The following TNNI3K variants were observed in gnomAD, a reference collection of about 807,000 sequenced individuals.
TNNI3K encodes TNNI3 interacting kinase.
Under a neutral mutation model 114.5 loss-of-function variants are expected in TNNI3K, and 140 were observed. That is an observed-to-expected ratio of 1.22 (90% CI 1.07 to 1.41). The LOEUF is 1.41. Ranked by LOEUF, TNNI3K falls within the 40% of genes most tolerant of loss-of-function variation. The pLI is 0.00. For synonymous variants in TNNI3K, 347 were observed against 347.5 expected, an observed-to-expected ratio of 1.00 and a Z score of 0.02; for missense variants, 1,125 against 1,007.6, an observed-to-expected ratio of 1.12 and a Z score of -1.58.
intron 23 of TNNI3K, among the ~76,000 whole-genome samples, chr1:74,538,962 G>C (rs973642696): frequency 6.6e-6 from 1 of 152,124 alleles, no homozygotes; most frequent in African/African-American, 2.4e-5. Context: ...CAAATGAACT[G>C]GGAAGCAATT....
intron 23 of TNNI3K, among the ~76,000 whole-genome samples, chr1:74,537,246 C>T (rs1646670786): frequency 6.6e-6 from 1 of 152,078 alleles, no homozygotes; most frequent in Non-Finnish European, 1.5e-5. Context: ...TAGTACATTT[C>T]TTAAAAGGAG....
chr1:74,400,709 G>A (rs1664315670), intron 17 of TNNI3K, among the ~76,000 whole-genome samples: 1 of 152,318 alleles, frequency 6.6e-6, no homozygotes, highest in Admixed American at 6.5e-5. Flanking sequence ...AGTTCAATAA[G>A]CTCATGAGAG....
intron 4 of TNNI3K, among the ~76,000 whole-genome samples, chr1:74,255,055 A>G (rs1294080826): frequency 6.6e-6 from 1 of 152,206 alleles, no homozygotes; most frequent in African/African-American, 2.4e-5. Context: ...TGTTCAGTAA[A>G]CATTATGAAC....
rs564241549 is a variant in TNNI3K, at chr1:74,433,155, A to C, written c.1773-2925A>C. ...TAGTTCACGACATCTCTCAGTAATA[A>C]ACTCTTGAACTCACCTTTAATAATA... On this transcript the variant is annotated intron_variant, in intron 17 of 24. Coordinates refer to ENST00000326637, the MANE Select transcript of TNNI3K (RefSeq NM_015978.3). Among the ~76,000 whole-genome samples, 24 of 152,090 alleles carry C rather than the reference A, an allele frequency of 1.6e-4. No individual in the cohort carries two copies. The South Asian group carries it at 4.6e-3, about 29-fold the overall frequency.
intron 23 of TNNI3K, among the ~76,000 whole-genome samples, chr1:74,511,127 C>T (rs1670194507): frequency 6.6e-6 from 1 of 151,896 alleles, no homozygotes; most frequent in African/African-American, 2.4e-5. Context: ...GTGATCACCT[C>T]AGGTGATCCA....
intron 17 of TNNI3K, among the ~76,000 whole-genome samples, chr1:74,414,976 A>C (rs1665050252): frequency 6.6e-6 from 1 of 152,180 alleles, no homozygotes; most frequent in African/African-American, 2.4e-5. Flanking sequence ...TGGCTTCCTA[A>C]ATCATTTGCA....
intron 7 of TNNI3K, among the ~76,000 whole-genome samples, chr1:74,339,949 G>C (rs1426355802): frequency 4.6e-5 from 7 of 151,916 alleles, no homozygotes; most frequent in Non-Finnish European, 5.9e-5. Context: ...CTTGCAACTG[G>C]ACAGAGCTGG....
chr1:74,406,348 A>G (rs1443037955), intron 17 of TNNI3K, among the ~76,000 whole-genome samples: 2 of 152,212 alleles, frequency 1.3e-5, no homozygotes, highest in Non-Finnish European at 2.9e-5. Context: ...CTCATCAGCT[A>G]TCATTAGTGT....
intron 17 of TNNI3K, among the ~76,000 whole-genome samples, chr1:74,379,331 G>A (rs531533057): frequency 3.0e-4 from 9 of 30,488 alleles, no homozygotes; most frequent in East Asian, 7.5e-3. Flanking sequence ...ACACATACAC[G>A]CGCGCACACA....
Position 74,260,171 on chromosome 1 carries a change from T to A in TNNI3K, c.333+9402T>A, listed in dbSNP as rs144781986. The stretch of plus-strand genomic sequence containing the variant: ...TCTCTTTTGGGTTTCAGTTATTAAG[T>A]TTACATTATCTTTTATTGTAGCACT... On this transcript the variant is annotated intron_variant, in intron 4 of 24. Coordinates refer to ENST00000326637, the MANE Select transcript of TNNI3K (RefSeq NM_015978.3). 2.8e-3 allele frequency among the ~76,000 whole-genome samples: 433 copies of A among 152,336 alleles called. 4 individuals carry two copies. The highest frequency in any genetic ancestry group is 9.9e-3 in the African/African-American group (410 of 41,594).
intron 21 of TNNI3K, among the ~76,000 whole-genome samples, chr1:74,465,170 A>AGAG (rs1306093983): frequency 6.6e-6 from 1 of 152,070 alleles, no homozygotes; most frequent in Non-Finnish European, 1.5e-5. Context: ...CTCGTAGTCC[A>AGAG]CTCTGGCCAC....
At chr1:74,521,056 T>C (rs1380741258) in intron 23 of TNNI3K, among the ~76,000 whole-genome samples, 2 of 152,196 alleles carry the variant, frequency 1.3e-5, no homozygotes, top group East Asian at 3.9e-4. Context: ...CAGAGTGTTC[T>C]TACAGCTATT....
chr1:74,256,530 G>T (rs1048991919), intron 4 of TNNI3K, among the ~76,000 whole-genome samples: 1 of 151,564 alleles, frequency 6.6e-6, no homozygotes, highest in Non-Finnish European at 1.5e-5. Flanking sequence ...TTCTTTTCTT[G>T]AATATACTTT....
intron 5 of TNNI3K, among the ~76,000 whole-genome samples, chr1:74,308,082 C>A (rs1156470009): frequency 1.3e-5 from 2 of 151,388 alleles, no homozygotes; most frequent in African/African-American, 4.9e-5. Flanking sequence ...CTTCAACATC[C>A]CAGTAATTGC....
At chr1:74,453,825 G>A (rs940389584) in intron 20 of TNNI3K, among the ~76,000 whole-genome samples, 2 of 152,140 alleles carry the variant, frequency 1.3e-5, no homozygotes, top group Non-Finnish European at 2.9e-5. Flanking sequence ...TCTGACTCAC[G>A]CTCCAGCCAA....
chr1:74,322,461 CT>C (rs113272069), intron 5 of TNNI3K, among the ~76,000 whole-genome samples: 3,961 of 138,828 alleles, frequency 0.029, 87 homozygotes, highest in African/African-American at 0.081. Flanking sequence ...CTAATTCTAC[CT>C]TTTTTTTTTT....
At chr1:74,470,676 C>T (rs189614996) in intron 21 of TNNI3K, 33 of 400,498 alleles carry the variant, frequency 8.2e-5, no homozygotes, top group Non-Finnish European at 1.1e-4. Flanking sequence ...TACAATTTTC[C>T]ACAATTTGAT....
chr1:74,467,913 TG>T (rs1334964227), intron 21 of TNNI3K, among the ~76,000 whole-genome samples: 4 of 151,980 alleles, frequency 2.6e-5, no homozygotes, highest in Non-Finnish European at 5.9e-5. Flanking sequence ...AAAAAATGAA[TG>T]GGTTGAAACT....
At chr1:74,256,744 T>A (rs1199090318) in intron 4 of TNNI3K, among the ~76,000 whole-genome samples, 2 of 152,162 alleles carry the variant, frequency 1.3e-5, no homozygotes, top group African/African-American at 4.8e-5. Context: ...TAGTATAGTT[T>A]CATTTTATCT....
Sources: gnomAD v4.1 joint callset for allele counts (sites outside exome capture counted in the v4.1 genomes callset) on GRCh38, gnomAD v4.1.1 for gene constraint, MANE v1.5 for transcripts, NCBI Gene and HGNC (gene_info 2026-07-23, HGNC 2026-07-21) for gene names.